The following VPS13D variants were observed in gnomAD, a reference collection of about 807,000 sequenced individuals.
VPS13D encodes vacuolar protein sorting 13 homolog D.
Under a neutral mutation model 461.9 loss-of-function variants are expected in VPS13D, and 187 were observed. The ratio of observed to expected loss-of-function variants is 0.40; its 90% CI spans 0.36 to 0.46. VPS13D has a LOEUF of 0.46. Among genes scored for constraint, VPS13D ranks in the 20% least tolerant of loss-of-function variants. The pLI is 0.60. For missense variants in VPS13D, 4,711 were observed against 5,364.9 expected (o/e 0.88, Z 3.81); for synonymous variants, 1,951 against 1,986.3 (o/e 0.98, Z 0.47).
At chr1:12,346,046 C>G (rs547351493) in intron 43 of VPS13D, among the ~76,000 whole-genome samples, 60 of 152,160 alleles carry the variant, frequency 3.9e-4, no homozygotes, top group Non-Finnish European at 6.5e-4. Context: ...CTTGTACATG[C>G]AGGTGGAGGC....
Position 12,495,547 on chromosome 1 carries a change from T to C in VPS13D, c.12663-1953T>C, listed in dbSNP as rs1264210371. Among the ~76,000 whole-genome samples the C allele has an allele frequency of 2.0e-5, 3 of 152,230 alleles. No individual in the cohort carries two copies. The highest frequency in any genetic ancestry group is 7.2e-5 in the African/African-American group (3 of 41,460). On this transcript the variant is annotated intron_variant, in intron 67 of 69. Transcript: ENST00000620676. This position sits in a 1 kb window ranked among gnomAD's most constrained non-coding sequence, Gnocchi z 4.0. ...AAGAGAACAAATTATGAGACTACTG[T>C]AATAATATATTACAAATCCAGGGAT...
chr1:12,287,033 CTGT>C (rs1381984220), intron 21 of VPS13D, among the ~76,000 whole-genome samples: 1 of 151,986 alleles, frequency 6.6e-6, no homozygotes, highest in Non-Finnish European at 1.5e-5. Context: ...GCTAGTTTTT[CTGT>C]TTTTAGTAGA....
chr1:12,339,225 C>T lies in VPS13D; in HGVS notation c.8626+920C>T, dbSNP rs181697335. Among the ~76,000 whole-genome samples, 219 of 152,250 alleles carry T rather than the reference C, an allele frequency of 1.4e-3. 4 individuals are homozygous for T. Among genetic ancestry groups the T allele is most frequent in the African/African-American group, 5.1e-3 (212 of 41,552 alleles). On this transcript the variant is annotated intron_variant, in intron 40 of 69. Transcript: ENST00000620676. ...CTAAGCTTTCTATATGTTACTTAAT[C>T]TTTCAGGCTTAGCCAAGCATTATTC...
In VPS13D at chr1:12,304,533, G is replaced by T; in HGVS notation, c.6244G>T (p.Gly2082Cys). The T allele has an allele frequency of 1.2e-6, 2 of 1,613,914 alleles. No individual in the cohort carries two copies. The highest frequency in any genetic ancestry group is 1.7e-6 in the Non-Finnish European group (2 of 1,179,938). ...KESVPSASPT[G>C]IPKHSLRKTT... is the part of the protein sequence containing the mutation. ...ATCTGTGCCTTCAGCTTCCCCAACG[G>T]GTATTCCCAAACACAGTCTGAGGAA... is the stretch of plus-strand genomic sequence containing the variant. Residue 2082 changes from glycine (G) to cysteine (C), a missense_variant, in exon 26 of 70, where the codon GGT (glycine) becomes TGT (cysteine). Around this residue, in one of 3 missense-constraint regions of VPS13D, gnomAD observed 4,411 missense variants for 4,937.8 expected, o/e 0.89. Coordinates refer to ENST00000620676, the MANE Select transcript of VPS13D (RefSeq NM_015378.4).
At chr1:12,400,505 A>G (rs1644560827) in intron 61 of VPS13D, among the ~76,000 whole-genome samples, 175 bp downstream of exon 61, 1 of 152,262 alleles carries the variant, frequency 6.6e-6, no homozygotes, top group Middle Eastern at 3.4e-3. Context: ...CCTCCTTCTC[A>G]GTTGTGTTTT....
intron 55 of VPS13D, 27 bp downstream of exon 55, chr1:12,373,885 G>A (rs1644160472): frequency 1.3e-6 from 2 of 1,574,476 alleles, no homozygotes; most frequent in East Asian, 4.7e-5. Context: ...TCAGAGTTTA[G>A]AATACAAGGT....
At chr1:12,337,995 A>G (rs1643486357) in intron 39 of VPS13D, 1 of 410,770 alleles carries the variant, frequency 2.4e-6, no homozygotes, top group African/African-American at 2.0e-5. Flanking sequence ...CAGGAAAAAA[A>G]AAAAAAAAGC....
Position 12,500,428 on chromosome 1 carries a change from A to T in VPS13D, c.12794+2797A>T, listed in dbSNP as rs1646019943. ...ACTCATGTCTCATTTGTAGCCAGAA[A>T]CTCATTTTCTTTTTTTTAAGGTACC... On this transcript the variant is annotated intron_variant, in intron 68 of 69. Coordinates refer to ENST00000620676, the MANE Select transcript of VPS13D (RefSeq NM_015378.4). Among the ~76,000 whole-genome samples, 10 of 151,826 alleles carry T rather than the reference A, an allele frequency of 6.6e-5. No individual in the cohort carries two copies. The South Asian group carries it at 2.1e-3, about 31-fold the overall frequency.
intron 67 of VPS13D, among the ~76,000 whole-genome samples, chr1:12,482,783 A>ATATAT (rs1441854672): frequency 1.3e-5 from 2 of 148,592 alleles, no homozygotes; most frequent in Non-Finnish European, 3.0e-5. Flanking sequence ...ATGTATACAT[A>ATATAT]GTATACATAT....
Position 12,297,678 on chromosome 1 carries a change from A to G in VPS13D, c.6034-1524A>G, listed in dbSNP as rs368046498. On this transcript the variant is annotated intron_variant, in intron 24 of 69. Coordinates refer to ENST00000620676, the MANE Select transcript of VPS13D (RefSeq NM_015378.4). ...ATTATCTCATTTGATCCTTATAACA[A>G]CCCTGTTTGTTCATTTCTTCAGTAA... is the stretch of plus-strand genomic sequence containing the variant. Among the ~76,000 whole-genome samples, 40 of 152,296 alleles carry G rather than the reference A, an allele frequency of 2.6e-4. 3 individuals are homozygous for G. Among genetic ancestry groups the G allele is most frequent in the Admixed American group, 2.1e-3 (32 of 15,296 alleles).
intron 65 of VPS13D, among the ~76,000 whole-genome samples, chr1:12,439,403 T>G (rs1302611938): frequency 6.6e-6 from 1 of 152,134 alleles, no homozygotes; most frequent in Non-Finnish European, 1.5e-5. Flanking sequence ...CAAATGTCAC[T>G]TTCTCAGGGA....
At chr1:12,281,416 A>G (rs1641778153) in intron 20 of VPS13D, among the ~76,000 whole-genome samples, 1 of 152,044 alleles carries the variant, frequency 6.6e-6, no homozygotes, top group Admixed American at 6.6e-5. Context: ...GAACTAAGTC[A>G]GTTGTCCTGT....
intron 26 of VPS13D, among the ~76,000 whole-genome samples, chr1:12,307,781 C>T (rs61572633): frequency 0.037 from 5,597 of 152,158 alleles, 203 homozygotes; most frequent in African/African-American, 0.09. Flanking sequence ...TGTGAGCCAC[C>T]GCTCCCGGCT....
At position 12,322,712 on chromosome 1, in the gene VPS13D, A is replaced by T. The variant is rs143899721; in HGVS notation, c.7881A>T (p.Arg2627Ser). The change falls in exon 34 of 70, where the codon AGA (arginine) becomes AGT (serine). Residue 2627 changes from arginine (R) to serine (S), a missense_variant. Arg to Ser is a moderately radical substitution (Grantham distance 110). Coordinates refer to ENST00000620676, the MANE Select transcript of VPS13D (RefSeq NM_015378.4). ...CATCTCGCGTTGGAGAGGAAATCAGAGAAGGGACAAGACACACCTTAGATC... is the reference window on the plus strand; with the variant it reads ...CATCTCGCGTTGGAGAGGAAATCAGTGAAGGGACAAGACACACCTTAGATC... ...PGASRVGEEI[R>S]EGTRHTLDPV... 6 of 1,614,208 alleles carry T rather than the reference A, an allele frequency of 3.7e-6. No homozygotes were observed. Among genetic ancestry groups the T allele is most frequent in the Non-Finnish European group, 5.1e-6 (6 of 1,180,000 alleles).
intron 65 of VPS13D, among the ~76,000 whole-genome samples, chr1:12,438,606 A>G (rs1645091065): frequency 6.6e-6 from 1 of 152,188 alleles, no homozygotes; most frequent in South Asian, 2.1e-4. Flanking sequence ...GGAAACACAG[A>G]TCAGCACCCA....
rs774327993 is a variant in VPS13D at position 12,356,056 on chromosome 1, C to G, written c.9837C>G (p.Phe3279Leu). Reference protein sequence around the residue: ...VCRAEGSLKIFISAPYWLINK... With the variant: ...VCRAEGSLKILISAPYWLINK... ...GAGCAGAAGGATCCTTAAAGATCTT[C>G]ATTTCTGCTCCATATTGGCTGATTA... Residue 3279 changes from phenylalanine (F) to leucine (L), a missense_variant, in exon 48 of 70, where the codon TTC (phenylalanine) becomes TTG (leucine). Coordinates refer to ENST00000620676, the MANE Select transcript of VPS13D (RefSeq NM_015378.4). 1.9e-6 allele frequency: 3 copies of G among 1,613,536 alleles called. No individual in the cohort carries two copies. Among genetic ancestry groups the G allele is most frequent in the Non-Finnish European group, 2.5e-6 (3 of 1,179,706 alleles).
chr1:12,256,690 G>GTTTT (rs372902457), intron 8 of VPS13D, among the ~76,000 whole-genome samples, 187 bp downstream of exon 8: 4 of 123,008 alleles, frequency 3.3e-5, no homozygotes, highest in Non-Finnish European at 3.5e-5. Flanking sequence ...TCTCAGGTTA[G>GTTTT]TTTTTTTTTT....
At chr1:12,323,077 T>C (rs1263183832) in intron 34 of VPS13D, among the ~76,000 whole-genome samples, 1 of 152,124 alleles carries the variant, frequency 6.6e-6, no homozygotes, top group Non-Finnish European at 1.5e-5. Flanking sequence ...ATTAATTTAT[T>C]GGTTTATTTT....
At chr1:12,493,183 T>TAAA (rs779968098) in intron 67 of VPS13D, among the ~76,000 whole-genome samples, 1 of 116,770 alleles carries the variant, frequency 8.6e-6, no homozygotes, top group Non-Finnish European at 1.8e-5. Flanking sequence ...GACCAGTTAT[T>TAAA]AAAAAAAAAA....
Sources: allele counts gnomAD v4.1 joint callset (sites outside exome capture counted in the v4.1 genomes callset), GRCh38; gene constraint gnomAD v4.1.1; regional missense constraint gnomAD v4.1.1; non-coding constraint Gnocchi (gnomAD v3.1); transcripts MANE v1.5; gene names NCBI Gene and HGNC (gene_info 2026-07-23, HGNC 2026-07-21).